The following MAST4 variants were observed in gnomAD, a reference collection of about 807,000 sequenced individuals.
MAST4 encodes the protein microtubule associated serine/threonine kinase family member 4.
Under a neutral mutation model 162.7 loss-of-function variants are expected in MAST4, and 89 were observed. The observed-to-expected ratio is 0.55, with a 90% confidence interval of 0.46 to 0.65. The LOEUF (loss-of-function observed/expected upper bound fraction) is 0.65. Ranked by LOEUF, MAST4 falls within the 30% of genes least tolerant of loss-of-function variation. The pLI, the probability that MAST4 is intolerant of heterozygous loss-of-function variation, is 0.00. For missense variants in MAST4, 3,153 were observed against 3,374.0 expected (o/e 0.93, Z 1.62); for synonymous variants, 1,479 against 1,361.1 (o/e 1.09, Z -1.91).
At chr5:66,734,533 G>A (rs1036263977) in intron 1 of MAST4, among the ~76,000 whole-genome samples, 2 of 152,186 alleles carry the variant, frequency 1.3e-5, no homozygotes, top group African/African-American at 4.8e-5. Flanking sequence ...TGATGTATCT[G>A]TGAATCTGTA....
chr5:66,835,840 G>GA (rs1289040711), intron 3 of MAST4, among the ~76,000 whole-genome samples: 1 of 152,144 alleles, frequency 6.6e-6, no homozygotes, highest in Non-Finnish European at 1.5e-5. Context: ...GAGTCGTCAA[G>GA]AAACTTAACA....
chr5:66,954,087 T>C (rs1393861855), intron 4 of MAST4, among the ~76,000 whole-genome samples: 1 of 152,180 alleles, frequency 6.6e-6, no homozygotes, highest in Non-Finnish European at 1.5e-5. Context: ...CCTTGTCATA[T>C]ATATATGTCT....
chr5:67,055,580 T>G (rs1320277660), intron 5 of MAST4, among the ~76,000 whole-genome samples: 1 of 152,170 alleles, frequency 6.6e-6, no homozygotes, highest in Non-Finnish European at 1.5e-5. Flanking sequence ...AATTTTATTT[T>G]CTCTGTAGAA....
At position 67,163,975 on chromosome 5, in the gene MAST4, T is replaced by C; in HGVS notation, c.4796T>C (p.Leu1599Pro). ...GCGTCTATGCAGGAGGCGCCACCGC[T>C]GGGCAGCCTGCTGAAGGATGCTCTT... ...NKASMQEAPP[L>P]GSLLKDALHK... is the part of the protein sequence containing the mutation. Residue 1599 changes from leucine (L) to proline (P), a missense_variant, in exon 29 of 29, where the codon CTG becomes CCG. Physicochemically the swap from Leu to Pro is moderately conservative, Grantham distance 98. This residue lies in a region of MAST4 where 1,644 missense variants were observed against 1,495.0 expected (regional missense o/e 1.10). Transcript: ENST00000403625. The surrounding 1 kb of genome is among the most constrained non-coding windows in gnomAD (Gnocchi z 7.0). 1.2e-6 allele frequency: 2 copies of C among 1,608,610 alleles called. No homozygotes were observed. Among genetic ancestry groups the C allele is most frequent in the Non-Finnish European group, 1.7e-6 (2 of 1,177,610 alleles).
intron 4 of MAST4, among the ~76,000 whole-genome samples, chr5:66,924,638 C>T (rs1329855736): frequency 1.3e-5 from 2 of 152,168 alleles, no homozygotes; most frequent in African/African-American, 4.8e-5. Flanking sequence ...CGTGATCCGC[C>T]TACCTCTGCC....
At chr5:67,160,684 C>A in intron 27 of MAST4, 92 bp downstream of exon 27, 2 of 1,394,022 alleles carry the variant, frequency 1.4e-6, no homozygotes, top group Admixed American at 2.4e-5. Flanking sequence ...TGAAGAAGAT[C>A]TATTTTTCTG....
intron 3 of MAST4, among the ~76,000 whole-genome samples, chr5:66,808,474 G>C (rs1172771138): frequency 6.6e-6 from 1 of 152,122 alleles, no homozygotes; most frequent in Non-Finnish European, 1.5e-5. Context: ...ATAATGCAGA[G>C]GTCAAATCAA....
At chr5:66,974,802 G>T (rs1419681122) in intron 4 of MAST4, among the ~76,000 whole-genome samples, 1 of 152,080 alleles carries the variant, frequency 6.6e-6, no homozygotes, top group South Asian at 2.1e-4. Flanking sequence ...AGCTTTCATG[G>T]GATTTGCAAA....
chr5:66,642,261 A>T (rs1489674349), intron 1 of MAST4, among the ~76,000 whole-genome samples: 3 of 152,216 alleles, frequency 2.0e-5, no homozygotes, highest in African/African-American at 7.2e-5. Flanking sequence ...GCAGTCAGAA[A>T]AATCTGAACC....
intron 3 of MAST4, among the ~76,000 whole-genome samples, chr5:66,877,363 C>G (rs189729093): frequency 8.5e-5 from 13 of 152,320 alleles, no homozygotes; most frequent in Non-Finnish European, 1.2e-4. Flanking sequence ...CCACTTTCAT[C>G]TGTACAGCAA....
intron 3 of MAST4, among the ~76,000 whole-genome samples, chr5:66,866,588 T>C (rs1018008147): frequency 2.0e-5 from 3 of 152,232 alleles, no homozygotes; most frequent in African/African-American, 4.8e-5. Context: ...ATCTCTTTAA[T>C]AGTGCCTATT....
chr5:67,024,939 C>T (rs1047068486), intron 4 of MAST4, among the ~76,000 whole-genome samples: 10 of 151,822 alleles, frequency 6.6e-5, no homozygotes, highest in African/African-American at 2.2e-4. Context: ...GTGTACCCCA[C>T]GAATATGTAC....
intron 4 of MAST4, among the ~76,000 whole-genome samples, chr5:67,024,174 T>C (rs1754328511): frequency 6.6e-6 from 1 of 151,600 alleles, no homozygotes; most frequent in African/African-American, 2.4e-5. Flanking sequence ...TTTTGTGGCT[T>C]GCTTATTTCA....
chr5:66,671,694 ACT>A (rs1747621337), intron 1 of MAST4, among the ~76,000 whole-genome samples: 1 of 152,084 alleles, frequency 6.6e-6, no homozygotes, highest in Admixed American at 6.6e-5. Context: ...CCACTACAAA[ACT>A]CTATAACATC....
At chr5:67,101,763 A>T (rs187273090) in intron 8 of MAST4, among the ~76,000 whole-genome samples, 23 of 152,116 alleles carry the variant, frequency 1.5e-4, no homozygotes, top group Admixed American at 1.2e-3. Context: ...TGGAATTAAC[A>T]GCTGGTTTTA....
At position 67,114,100 on chromosome 5, in the gene MAST4, A is replaced by C; in HGVS notation, c.1472A>C (p.Glu491Ala). Reference sequence around the variant, plus strand: ...GTCTTCGGCTAGGAATTTGATCCGGAAGAATTTTACTACCTATTGGAAGCA... The same window carrying C: ...GTCTTCGGCTAGGAATTTGATCCGGCAGAATTTTACTACCTATTGGAAGCA... ...RLLECLEFDP[E>A]EFYYLLEAAE... Residue 491 changes from glutamate (E) to alanine (A), a missense_variant, in exon 12 of 29, where the codon GAA (glutamate) becomes GCA (alanine). Glu to Ala is a moderately radical substitution (Grantham distance 107). Around this residue, in one of 7 missense-constraint regions of MAST4, gnomAD observed 360 missense variants for 450.0 expected, o/e 0.80. Coordinates refer to ENST00000403625, the MANE Select transcript of MAST4 (RefSeq NM_001164664.2). 1 of 1,613,788 alleles carries C rather than the reference A, an allele frequency of 6.2e-7. No homozygotes were observed. Among genetic ancestry groups the C allele is most frequent in the South Asian group, 1.1e-5 (1 of 91,036 alleles).
At position 67,000,617 on chromosome 5, in the gene MAST4, G is replaced by A. The variant is rs557041425; in HGVS notation, c.675-53787G>A. 1.1e-4 allele frequency among the ~76,000 whole-genome samples: 16 copies of A among 152,144 alleles called. No homozygotes were observed. The South Asian group carries it at 2.7e-3, about 26-fold the overall frequency. ...AAAAAAATTAGTTGGGTGTGGTGGC[G>A]ACTGCCTGTAATCCCAGCTACTTGG... On this transcript the variant is annotated intron_variant, in intron 4 of 28. Coordinates refer to ENST00000403625, the MANE Select transcript of MAST4 (RefSeq NM_001164664.2).
At chr5:66,729,138 A>G (rs961486420) in intron 1 of MAST4, among the ~76,000 whole-genome samples, 7 of 152,206 alleles carry the variant, frequency 4.6e-5, no homozygotes, top group African/African-American at 7.2e-5. Flanking sequence ...TTTGAAAGGA[A>G]GGGTAAGTGT....
intron 4 of MAST4, among the ~76,000 whole-genome samples, chr5:66,948,594 T>C (rs1744306306): frequency 6.6e-6 from 1 of 152,110 alleles, no homozygotes; most frequent in Admixed American, 6.6e-5. Context: ...CTACTCTTGG[T>C]ACTCACAAGC....
Sources: allele counts gnomAD v4.1 joint callset (sites outside exome capture counted in the v4.1 genomes callset), GRCh38; gene constraint gnomAD v4.1.1; regional missense constraint gnomAD v4.1.1; non-coding constraint Gnocchi (gnomAD v3.1); transcripts MANE v1.5; gene names NCBI Gene and HGNC (gene_info 2026-07-23, HGNC 2026-07-21).